The following DMD variants were observed in gnomAD, a reference collection of about 807,000 sequenced individuals.
DMD encodes mutant dystrophin.
A neutral mutation model predicts 330.1 loss-of-function variants in DMD; 63 were observed. The observed-to-expected ratio is 0.19, with a 90% CI of 0.16 to 0.24. The LOEUF (loss-of-function observed/expected upper bound fraction) is 0.24. DMD is among the 10% of genes least tolerant of loss of function. The pLI is 1.00. For missense variants in DMD, 3,344 were observed against 2,684.1 expected (o/e 1.25, Z -5.43); for synonymous variants, 1,223 against 959.8 (o/e 1.27, Z -5.07).
In DMD at chrX:32,413,710, CT is replaced by C. The variant is rs779787287; in HGVS notation, c.4072-1798del. ...CTGTCCTTCAAATAAAAGCTCTATTCTTTTTTTTTTTTTTTTTTTTTTGAGA... is the reference window on the plus strand; with the variant it reads ...CTGTCCTTCAAATAAAAGCTCTATTCTTTTTTTTTTTTTTTTTTTTTGAGA... On this transcript the variant is annotated intron_variant, in intron 29 of 78. Transcript: ENST00000357033. Among the ~76,000 whole-genome samples the C allele has an allele frequency of 6.2e-3, 487 of 78,545 alleles. 2 individuals are homozygous for C. The highest frequency in any genetic ancestry group is 0.013 in the African/African-American group (240 of 18,903). 68.2% of individuals were successfully genotyped at this position (78,545 alleles called of 115,157 possible).
At chrX:32,786,879 A>G (rs1304461466) in intron 7 of DMD, among the ~76,000 whole-genome samples, 1 of 111,594 alleles carries the variant, frequency 9.0e-6, no homozygotes, top group East Asian at 2.8e-4. Context: ...GTTTTTGCAG[A>G]AATAAAACGA....
intron 62 of DMD, among the ~76,000 whole-genome samples, chrX:31,317,597 C>T (rs750409010): frequency 1.7e-4 from 18 of 106,946 alleles, no homozygotes; most frequent in African/African-American, 3.4e-4. Context: ...CTGCATGCTC[C>T]GCTTCCCGGG....
chrX:31,560,696 C>T (rs1227514278), intron 55 of DMD, among the ~76,000 whole-genome samples: 1 of 111,497 alleles, frequency 9.0e-6, no homozygotes, highest in Non-Finnish European at 1.9e-5. Context: ...TCTCCCTCCA[C>T]CTCCTCAGCC....
intron 62 of DMD, among the ~76,000 whole-genome samples, chrX:31,269,116 C>T (rs34684682): frequency 0.012 from 1,361 of 111,460 alleles, 7 homozygotes; most frequent in East Asian, 0.06. Flanking sequence ...CAAATCTTGA[C>T]GTCATATTAT....
At chrX:31,528,038 C>T (rs2073378962) in intron 55 of DMD, among the ~76,000 whole-genome samples, 1 of 111,032 alleles carries the variant, frequency 9.0e-6, no homozygotes, top group Non-Finnish European at 1.9e-5. Flanking sequence ...ACAAACAATA[C>T]AACTTTATGG....
intron 9 of DMD, among the ~76,000 whole-genome samples, chrX:32,659,065 G>T (rs1007855955): frequency 1.8e-5 from 2 of 111,903 alleles, no homozygotes; most frequent in African/African-American, 6.5e-5. Flanking sequence ...CTGCCTCATT[G>T]TTTTTATTTA....
chrX:31,221,339 C>A (rs1388154582), intron 64 of DMD, among the ~76,000 whole-genome samples: 1 of 112,232 alleles, frequency 8.9e-6, no homozygotes, highest in Non-Finnish European at 1.9e-5. Flanking sequence ...TATTATTTCA[C>A]AATAGATCTT....
At chrX:33,143,314 T>G (rs893665295) in intron 1 of DMD, among the ~76,000 whole-genome samples, 14 of 111,206 alleles carry the variant, frequency 1.3e-4, no homozygotes, top group African/African-American at 4.6e-4. Flanking sequence ...ATATTGGTTA[T>G]CTCAGAAACT....
intron 11 of DMD, among the ~76,000 whole-genome samples, chrX:32,617,203 T>A (rs1031743159): frequency 1.8e-5 from 2 of 110,659 alleles, no homozygotes; most frequent in African/African-American, 6.6e-5. Context: ...TACCCATATA[T>A]GATAGTGTTA....
At chrX:32,033,766 T>C (rs957705036) in intron 44 of DMD, among the ~76,000 whole-genome samples, 1 of 111,519 alleles carries the variant, frequency 9.0e-6, no homozygotes, top group African/African-American at 3.3e-5. Context: ...ATCATTATGA[T>C]TGTATAATTG....
At chrX:31,912,929 T>G (rs1165128766) in intron 47 of DMD, among the ~76,000 whole-genome samples, 1 of 112,854 alleles carries the variant, frequency 8.9e-6, no homozygotes, top group African/African-American at 3.2e-5. Flanking sequence ...CTTTGAAGAT[T>G]GGTGCTTGTT....
chrX:33,190,934 A>AT lies in DMD; in HGVS notation c.31+20347dup, dbSNP rs1432690059. ...TAATATTATATATATAATATTATAT[A>AT]TATATATAATATATAATATTATATA... On this transcript the variant is annotated intron_variant, in intron 1 of 78. Transcript: ENST00000357033. Among the ~76,000 whole-genome samples the AT allele has an allele frequency of 2.9e-3, 3 of 1,049 alleles. 1 individual carries two copies. Among genetic ancestry groups the AT allele is most frequent in the Non-Finnish European group, 4.4e-3 (3 of 676 alleles). The allele number at this position is 1,049 out of a possible 115,157, so 0.9% of individuals were successfully genotyped here.
chrX:32,899,673 CAAAAAA>C (rs755390925), intron 2 of DMD, among the ~76,000 whole-genome samples: 1 of 42,695 alleles, frequency 2.3e-5, no homozygotes, highest in Non-Finnish European at 4.5e-5. Flanking sequence ...GACTCCGTCT[CAAAAAA>C]AAAAAAAAAA....
chrX:31,467,424 A>T (rs2066938941), intron 59 of DMD, among the ~76,000 whole-genome samples: 1 of 111,583 alleles, frequency 9.0e-6, no homozygotes, highest in African/African-American at 3.3e-5. Context: ...TGAGATAATC[A>T]TGTGGTTTTT....
chrX:31,897,010 G>A (rs58119347), intron 47 of DMD, among the ~76,000 whole-genome samples: 6,170 of 108,900 alleles, frequency 0.057, 168 homozygotes, highest in African/African-American at 0.085. Flanking sequence ...CCATGCTGGC[G>A]CGCTGCACCC....
intron 43 of DMD, among the ~76,000 whole-genome samples, chrX:32,223,516 T>C (rs182095746): frequency 8.9e-6 from 1 of 111,819 alleles, no homozygotes; most frequent in Admixed American, 9.5e-5. Context: ...TTCCCAAACA[T>C]GTCTCCTGGA....
At chrX:31,496,343 T>G (rs1161295879) in intron 57 of DMD, among the ~76,000 whole-genome samples, 2 of 112,426 alleles carry the variant, frequency 1.8e-5, no homozygotes, top group African/African-American at 6.4e-5. Context: ...GCAAGGTGAT[T>G]ACCTTAAAAG....
In DMD at chrX:32,545,394, T is replaced by A. The variant is rs765841212; in HGVS notation, c.1993-60A>T. On this transcript the variant is annotated intron_variant, in intron 16 of 78. Transcript: ENST00000357033. ...CTAGAAAGACTTCAGTAAAGACTGCTTGGAGTGGCAAAGGAAAATAATGAG... is the reference window on the plus strand; with the variant it reads ...CTAGAAAGACTTCAGTAAAGACTGCATGGAGTGGCAAAGGAAAATAATGAG... 104 of 1,090,695 alleles carry A rather than the reference T, an allele frequency of 9.5e-5. 1 individual carries two copies. The South Asian group carries it at 1.8e-3, about 19-fold the overall frequency. The allele number at this position is 1,090,695 out of a possible 1,213,427, so 89.9% of individuals were successfully genotyped here.
chrX:31,783,470 C>T lies in DMD; in HGVS notation c.7310-9278G>A, dbSNP rs924577483. Among the ~76,000 whole-genome samples the T allele has an allele frequency of 3.6e-5, 4 of 111,241 alleles. No homozygotes were observed. In the Admixed American group the frequency reaches 3.8e-4, roughly 11 times the overall value. Reference sequence around the variant, plus strand: ...GATCCTCTACCATGTGTCAGGCCCTCACAAGCCTCATCCACCAGAGGAGAT... The same window carrying T: ...GATCCTCTACCATGTGTCAGGCCCTTACAAGCCTCATCCACCAGAGGAGAT... On this transcript the variant is annotated intron_variant, in intron 50 of 78. Coordinates refer to ENST00000357033, the MANE Select transcript of DMD (RefSeq NM_004006.3).
Sources: gnomAD v4.1 joint callset for allele counts (sites outside exome capture counted in the v4.1 genomes callset) on GRCh38, gnomAD v4.1.1 for gene constraint, MANE v1.5 for transcripts, NCBI Gene and HGNC (gene_info 2026-07-23, HGNC 2026-07-21) for gene names.